Variants in H3-3A observed in about 807,000 individuals in gnomAD.
H3-3A encodes histone H3.3.
For missense variants in H3-3A, 7 were observed against 184.0 expected (o/e 0.04, Z 5.57); for synonymous variants, 49 against 61.4 (o/e 0.80, Z 0.95).
At chr1:226,064,214 C>T in intron 1 of H3-3A, 115 bp from the exon 2 acceptor site, 1 of 696,934 alleles carries the variant, frequency 1.4e-6, no homozygotes, top group Non-Finnish European at 2.4e-6. Flanking sequence ...ACAATACGAA[C>T]ATTATTTTTT....
intron 3 of H3-3A, among the ~76,000 whole-genome samples, chr1:226,069,212 A>C (rs529307084): frequency 2.0e-5 from 3 of 152,082 alleles, no homozygotes; most frequent in Non-Finnish European, 2.9e-5. Context: ...ACGCCCAGCT[A>C]CTTTTTGTAT....
chr1:226,070,730 G>A (rs12086044), intron 3 of H3-3A, among the ~76,000 whole-genome samples: 37,332 of 152,008 alleles, frequency 0.25, 4,658 homozygotes, highest in African/African-American at 0.26. Context: ...CCGAGATCGC[G>A]CTACTGCACT....
intron 3 of H3-3A, chr1:226,066,587 A>T (rs1657932155): frequency 6.6e-6 from 1 of 152,244 alleles, no homozygotes; most frequent in Non-Finnish European, 1.5e-5. Flanking sequence ...AGACGTCATT[A>T]ACATCAGTCA....
chr1:226,069,918 G>T (rs761711990), intron 3 of H3-3A, among the ~76,000 whole-genome samples: 3 of 152,234 alleles, frequency 2.0e-5, no homozygotes, highest in Non-Finnish European at 4.4e-5. Flanking sequence ...AGTATACTAA[G>T]AATTTGAGTT....
intron 3 of H3-3A, chr1:226,066,830 C>T (rs1468321279): frequency 2.0e-5 from 3 of 152,218 alleles, no homozygotes; most frequent in African/African-American, 7.2e-5. Context: ...TGGGCTTTTG[C>T]TTTATGTATG....
chr1:226,062,427 G>C (rs1180260934), upstream of H3-3A, among the ~76,000 whole-genome samples: 4 of 151,364 alleles, frequency 2.6e-5, no homozygotes, highest in East Asian at 7.8e-4. Context: ...CCGGGGGCGG[G>C]GGCTGGCCGG....
chr1:226,070,181 TATAA>T (rs1318213921), intron 3 of H3-3A, among the ~76,000 whole-genome samples: 1 of 151,754 alleles, frequency 6.6e-6, no homozygotes, highest in Non-Finnish European at 1.5e-5. Flanking sequence ...GATCAAAGTA[TATAA>T]ATAAGGAACT....
intron 1 of H3-3A, among the ~76,000 whole-genome samples, 196 bp downstream of exon 1, chr1:226,063,007 C>T (rs1163342273): frequency 2.0e-5 from 3 of 152,060 alleles, no homozygotes; most frequent in Non-Finnish European, 4.4e-5. Context: ...CTCTCGCCGC[C>T]TCAGCCCAAC....
At chr1:226,064,605 TAAC>T in intron 2 of H3-3A, 126 bp downstream of exon 2, 2 of 639,292 alleles carry the variant, frequency 3.1e-6, no homozygotes, top group Non-Finnish European at 5.5e-6. Context: ...TTTGAACACT[TAAC>T]TACTGCTTAA....
chr1:226,070,155 A>G (rs1327152603), intron 3 of H3-3A, among the ~76,000 whole-genome samples: 1 of 152,174 alleles, frequency 6.6e-6, no homozygotes, highest in Non-Finnish European at 1.5e-5. Context: ...GGACAGGGGC[A>G]TGTTTCCGGG....
At chr1:226,061,841 T>G (rs558064907), upstream of H3-3A, 1 of 152,326 alleles carries the variant, frequency 6.6e-6, no homozygotes, top group South Asian at 2.1e-4. Context: ...ACACATTGTT[T>G]AGAGGCCGAC....
intron 3 of H3-3A, among the ~76,000 whole-genome samples, chr1:226,067,803 C>G (rs971121255): frequency 6.6e-6 from 1 of 151,642 alleles, no homozygotes; most frequent in Non-Finnish European, 1.5e-5. Context: ...AATAGAAGAT[C>G]GCAATTGAAG....
Position 226,070,178 on chromosome 1 carries a change from GTAT to G in H3-3A, c.283-1172_283-1170del, listed in dbSNP as rs547239741. ...GCATGTTTCCGGGGCATAGATCAAA[GTAT>G]ATAAATAAGGAACTGCCAGGCCAGT... is the stretch of plus-strand genomic sequence containing the variant. On this transcript the variant is annotated intron_variant, in intron 3 of 3. Coordinates refer to ENST00000366815, the MANE Select transcript of H3-3A (RefSeq NM_002107.7). 1.1e-3 allele frequency among the ~76,000 whole-genome samples: 172 copies of G among 152,198 alleles called. 1 individual carries two copies. Among genetic ancestry groups the G allele is most frequent in the Middle Eastern group, 3.4e-3 (1 of 294 alleles).
chr1:226,065,595 CCA>C, intron 2 of H3-3A, 59 bp from the exon 3 acceptor site: 3 of 1,237,788 alleles, frequency 2.4e-6, no homozygotes, highest in Non-Finnish European at 3.4e-6. Flanking sequence ...TTGAAGCTGC[CCA>C]CTTACCTTTT....
chr1:226,071,090 T>C (rs1005012801), intron 3 of H3-3A, among the ~76,000 whole-genome samples: 1 of 152,212 alleles, frequency 6.6e-6, no homozygotes, highest in African/African-American at 2.4e-5. Flanking sequence ...ATTAGAAAAA[T>C]TGAAGTTTCC....
At chr1:226,066,594 G>T in intron 3 of H3-3A, 1 of 152,318 alleles carries the variant, frequency 6.6e-6, no homozygotes, top group Non-Finnish European at 1.5e-5. Flanking sequence ...ATTAACATCA[G>T]TCACTTAAGT....
chr1:226,062,107 G>A (rs546664064), upstream of H3-3A: 3 of 152,278 alleles, frequency 2.0e-5, no homozygotes, highest in East Asian at 5.8e-4. Context: ...CCGACAGCGG[G>A]CGCGGGACGC....
intron 3 of H3-3A, chr1:226,066,906 T>A (rs960994768): frequency 1.3e-5 from 2 of 152,240 alleles, no homozygotes; most frequent in Admixed American, 6.5e-5. Context: ...ATGGTTAATC[T>A]AAACTTCATT....
At chr1:226,065,914 G>C (rs1325120465) in intron 3 of H3-3A, 105 bp downstream of exon 3, 1 of 880,400 alleles carries the variant, frequency 1.1e-6, no homozygotes, top group East Asian at 2.6e-5. Context: ...AAGCCTGTCA[G>C]GTAGTTGATA....
Sources: allele counts gnomAD v4.1 joint callset (sites outside exome capture counted in the v4.1 genomes callset), GRCh38; gene constraint gnomAD v4.1.1; transcripts MANE v1.5; gene names NCBI Gene and HGNC (gene_info 2026-07-23, HGNC 2026-07-21).